The following ZNF385C variants were observed in gnomAD, a reference collection of about 807,000 sequenced individuals.
The protein encoded by ZNF385C is zinc finger protein 385C, also known as CTD-2132N18.2.
A neutral mutation model predicts 35.4 loss-of-function variants in ZNF385C; 28 were observed. That is an observed-to-expected ratio of 0.79 (90% CI 0.59 to 1.08). The LOEUF (loss-of-function observed/expected upper bound fraction) is 1.08. Ranked by LOEUF, ZNF385C falls within the 50% of genes least tolerant of loss-of-function variation. ZNF385C has a pLI of 0.00. For synonymous variants in ZNF385C, 248 were observed against 248.2 expected, an observed-to-expected ratio of 1.00 and a Z score of 0.01; for missense variants, 605 against 595.6, an observed-to-expected ratio of 1.02 and a Z score of -0.16.
intron 5 of ZNF385C, 32 bp from the exon 6 acceptor site, chr17:42,029,105 AG>A (rs1567983166): frequency 6.5e-7 from 1 of 1,534,886 alleles, no homozygotes; most frequent in South Asian, 1.2e-5. Flanking sequence ...GTGAGACCCA[AG>A]ATGACGCTGC....
intron 2 of ZNF385C, among the ~76,000 whole-genome samples, chr17:42,045,065 C>G (rs1366380985): frequency 2.6e-5 from 4 of 152,166 alleles, no homozygotes; most frequent in African/African-American, 9.7e-5. Context: ...CTACAGGCAC[C>G]CGCCATCACG....
Position 42,039,440 on chromosome 17 carries a change from G to T in ZNF385C, c.251-1555C>A, listed in dbSNP as rs2052949781. 5 of 356,904 alleles carry T rather than the reference G, an allele frequency of 1.4e-5. No individual in the cohort carries two copies. The East Asian group carries it at 2.1e-4, about 15-fold the overall frequency. 22.1% of individuals were successfully genotyped at this position (356,904 alleles called of 1,614,324 possible). ...AGGGTGAGCTACTCCTCATCTAACT[G>T]TGTAAAGGCCAGGAATGATTTAGGG... On this transcript the variant is annotated intron_variant, in intron 2 of 8. Coordinates refer to ENST00000692273, the MANE Select transcript of ZNF385C (RefSeq NM_001392013.1).
chr17:42,027,466 C>G, intron 8 of ZNF385C, 152 bp downstream of exon 8: 5 of 715,880 alleles, frequency 7.0e-6, no homozygotes, highest in Non-Finnish European at 1.1e-5. Context: ...CTGCGCAGAT[C>G]CCAGTTCCCA....
chr17:42,040,341 G>A, intron 2 of ZNF385C: 1 of 1,231,868 alleles, frequency 8.1e-7, no homozygotes, highest in Non-Finnish European at 1.0e-6. Context: ...GTCCGCTGCT[G>A]GCGTCAGGGT....
At chr17:42,071,023 G>A (rs188253893) in intron 1 of ZNF385C, among the ~76,000 whole-genome samples, 1 of 152,314 alleles carries the variant, frequency 6.6e-6, no homozygotes, top group African/African-American at 2.4e-5. Context: ...CATGGGCCCA[G>A]GGAGCTGGGG....
intron 2 of ZNF385C, chr17:42,042,826 T>C (rs1467996845): frequency 4.9e-6 from 6 of 1,232,106 alleles, no homozygotes; most frequent in Admixed American, 4.2e-5. Context: ...CTTCTGGCTG[T>C]CACCCACCTG....
At chr17:42,096,417 C>G (rs1022698714) in intron 1 of ZNF385C, among the ~76,000 whole-genome samples, 1 of 152,180 alleles carries the variant, frequency 6.6e-6, no homozygotes, top group Non-Finnish European at 1.5e-5. Flanking sequence ...AGGGAGAGGA[C>G]TGGCAGCAGG....
intron 1 of ZNF385C, among the ~76,000 whole-genome samples, chr17:42,071,412 C>T (rs1241497428): frequency 3.3e-5 from 5 of 152,214 alleles, no homozygotes; most frequent in South Asian, 4.1e-4. Context: ...GCTCTGTCCT[C>T]ACCCCCAGTT....
chr17:42,041,151 C>T, intron 2 of ZNF385C: 1 of 1,232,342 alleles, frequency 8.1e-7, no homozygotes, highest in Non-Finnish European at 1.0e-6. Context: ...CCTTCAGGCG[C>T]TGGCAGGCCT....
chr17:42,039,828 C>G, intron 2 of ZNF385C: 3 of 1,232,078 alleles, frequency 2.4e-6, no homozygotes, highest in Non-Finnish European at 3.0e-6. Context: ...TGTGGCCCCC[C>G]CGGCCTTCCC....
chr17:42,072,736 C>T (rs2053643038), intron 1 of ZNF385C, among the ~76,000 whole-genome samples: 2 of 152,028 alleles, frequency 1.3e-5, no homozygotes, highest in Admixed American at 1.3e-4. Flanking sequence ...CCCCGCCGGC[C>T]CAGGACAGCC....
rs566229523 is a variant in ZNF385C at position 42,054,799 on chromosome 17, C to G, written c.250+8008G>C. Among the ~76,000 whole-genome samples the G allele has an allele frequency of 1.1e-4, 17 of 152,174 alleles. No individual in the cohort carries two copies. In the South Asian group the frequency reaches 3.5e-3, roughly 32 times the overall value. On this transcript the variant is annotated intron_variant, in intron 2 of 8. Coordinates refer to ENST00000692273, the MANE Select transcript of ZNF385C (RefSeq NM_001392013.1). ...GTTTCACCATGTTGGCTAGGGTGAT[C>G]TCGAACTCCTGACCTCAAATGATCC...
chr17:42,036,111 C>T (rs1555655418), intron 3 of ZNF385C, among the ~76,000 whole-genome samples: 4 of 152,172 alleles, frequency 2.6e-5, no homozygotes, highest in Non-Finnish European at 2.9e-5. Flanking sequence ...TCTCCTGCCT[C>T]AGCCTCCCAA....
intron 1 of ZNF385C, among the ~76,000 whole-genome samples, chr17:42,075,641 C>G (rs1034610556): frequency 6.6e-5 from 10 of 151,926 alleles, no homozygotes; most frequent in Non-Finnish European, 1.3e-4. Context: ...ACTACAGGCG[C>G]CCACCACCAC....
At chr17:42,048,941 CA>C (rs59106537) in intron 2 of ZNF385C, among the ~76,000 whole-genome samples, 8,656 of 144,532 alleles carry the variant, frequency 0.06, 667 homozygotes, top group African/African-American at 0.19. Context: ...GACTCCATCT[CA>C]AAAAAAAAAA....
chr17:42,038,035 T>A (rs782013327), intron 2 of ZNF385C, 150 bp from the exon 3 acceptor site: 1 of 1,535,914 alleles, frequency 6.5e-7, no homozygotes, highest in Non-Finnish European at 8.7e-7. Flanking sequence ...ATAGTGATTA[T>A]AGCCCCCTTC....
chr17:42,033,326 A>C (rs2052773418), intron 4 of ZNF385C, among the ~76,000 whole-genome samples: 1 of 152,218 alleles, frequency 6.6e-6, no homozygotes, highest in South Asian at 2.1e-4. Flanking sequence ...TGTAGTAGAA[A>C]GTCATAGACC....
intron 1 of ZNF385C, among the ~76,000 whole-genome samples, chr17:42,085,596 ATTTTTTT>A (rs781825380): frequency 1.9e-5 from 2 of 107,636 alleles, no homozygotes; most frequent in African/African-American, 7.2e-5. Flanking sequence ...TCTGCAAAAC[ATTTTTTT>A]TTTTTTTTTT....
At chr17:42,052,758 G>A (rs1057508809) in intron 2 of ZNF385C, among the ~76,000 whole-genome samples, 1 of 152,144 alleles carries the variant, frequency 6.6e-6, no homozygotes, top group African/African-American at 2.4e-5. Flanking sequence ...ATATGCAGAT[G>A]CAGAGACCGG....
Sources: gnomAD v4.1 joint callset for allele counts (sites outside exome capture counted in the v4.1 genomes callset) on GRCh38, gnomAD v4.1.1 for gene constraint, MANE v1.5 for transcripts, NCBI Gene and HGNC (gene_info 2026-07-23, HGNC 2026-07-21) for gene names.